PTPRT: variants seen among roughly 807,000 people sequenced by gnomAD.
PTPRT encodes the protein protein tyrosine phosphatase receptor type T.
PTPRT carries 56 observed loss-of-function variants against 176.8 expected under a neutral mutation model. The ratio of observed to expected loss-of-function variants is 0.32; its 90% CI spans 0.26 to 0.40. The LOEUF is 0.40. Ranked by LOEUF, PTPRT falls within the 10% of genes least tolerant of loss-of-function variation. The pLI is 1.00. For synonymous variants in PTPRT, 783 were observed against 739.0 expected (o/e 1.06, Z -0.96); for missense variants, 1,540 against 1,908.2 (o/e 0.81, Z 3.60).
intron 11 of PTPRT, among the ~76,000 whole-genome samples, chr20:42,326,127 T>A (rs1321659558): frequency 6.6e-6 from 1 of 152,218 alleles, no homozygotes; most frequent in East Asian, 1.9e-4. Flanking sequence ...GAGAGAACTG[T>A]AAGCACTGCA....
At chr20:42,345,227 C>G (rs921672541) in intron 11 of PTPRT, among the ~76,000 whole-genome samples, 1 of 151,794 alleles carries the variant, frequency 6.6e-6, no homozygotes, top group Non-Finnish European at 1.5e-5. Context: ...GTTGTACTAG[C>G]CATATATCTG....
chr20:43,090,381 C>T (rs948808111), intron 1 of PTPRT, among the ~76,000 whole-genome samples: 1 of 151,960 alleles, frequency 6.6e-6, no homozygotes, highest in African/African-American at 2.4e-5. Flanking sequence ...CATTCTCCTG[C>T]CTCAGCCTCC....
chr20:42,387,879 C>T (rs1192207113), intron 9 of PTPRT, among the ~76,000 whole-genome samples: 2 of 151,624 alleles, frequency 1.3e-5, no homozygotes, highest in East Asian at 3.9e-4. Flanking sequence ...GAAACCCCTA[C>T]CTCCTGGGTT....
chr20:42,911,969 CTCTTT>C (rs1978409179), intron 1 of PTPRT, among the ~76,000 whole-genome samples: 1 of 127,146 alleles, frequency 7.9e-6, no homozygotes, highest in African/African-American at 2.8e-5. Flanking sequence ...AACCCAAATC[CTCTTT>C]TCTTTTTTTT....
intron 1 of PTPRT, among the ~76,000 whole-genome samples, chr20:43,013,919 T>C (rs565083063): frequency 6.6e-6 from 1 of 152,272 alleles, no homozygotes; most frequent in African/African-American, 2.4e-5. Context: ...AGGAGAATAA[T>C]AGCAAATATC....
At chr20:43,093,549 C>A (rs2011976299) in intron 1 of PTPRT, among the ~76,000 whole-genome samples, 1 of 152,208 alleles carries the variant, frequency 6.6e-6, no homozygotes, top group South Asian at 2.1e-4. Flanking sequence ...CATGCACACA[C>A]ACAACAGGTC....
chr20:42,115,116 C>T, intron 22 of PTPRT, 83 bp downstream of exon 22: 1 of 1,004,024 alleles, frequency 1.0e-6, no homozygotes, highest in Non-Finnish European at 1.6e-6. Context: ...GTAGAGCAGA[C>T]CCTCAGTTAC....
intron 1 of PTPRT, among the ~76,000 whole-genome samples, chr20:43,092,209 C>T (rs563587697): frequency 6.6e-6 from 1 of 152,138 alleles, no homozygotes; most frequent in Non-Finnish European, 1.5e-5. Flanking sequence ...ACAGTGGATC[C>T]CCACAGGGGA....
At chr20:42,983,144 G>A (rs1453417748) in intron 1 of PTPRT, among the ~76,000 whole-genome samples, 1 of 152,126 alleles carries the variant, frequency 6.6e-6, no homozygotes, top group Non-Finnish European at 1.5e-5. Flanking sequence ...CCCATCCTTT[G>A]TGTGCACATC....
intron 7 of PTPRT, among the ~76,000 whole-genome samples, chr20:42,656,721 C>T (rs1337282921): frequency 6.6e-6 from 1 of 152,062 alleles, no homozygotes; most frequent in Non-Finnish European, 1.5e-5. Context: ...ATGCTGATTA[C>T]AGCTTTTAAA....
chr20:42,425,118 G>A (rs1442742992), intron 9 of PTPRT, among the ~76,000 whole-genome samples: 1 of 152,024 alleles, frequency 6.6e-6, no homozygotes, highest in Non-Finnish European at 1.5e-5. Flanking sequence ...CAAACATCCA[G>A]TATGCATCCA....
intron 17 of PTPRT, among the ~76,000 whole-genome samples, chr20:42,155,785 G>A (rs1195781040): frequency 6.6e-6 from 1 of 152,106 alleles, no homozygotes; most frequent in African/African-American, 2.4e-5. Flanking sequence ...CAGTCTCCTG[G>A]TTTGGGCAGC....
intron 13 of PTPRT, among the ~76,000 whole-genome samples, chr20:42,254,701 C>A (rs1169555144): frequency 6.6e-6 from 1 of 152,150 alleles, no homozygotes; most frequent in East Asian, 1.9e-4. Context: ...AAAGCCCAGA[C>A]CCTTTCAATG....
chr20:42,322,589 C>T (rs1160486591), intron 11 of PTPRT, among the ~76,000 whole-genome samples: 1 of 146,322 alleles, frequency 6.8e-6, no homozygotes, highest in East Asian at 2.0e-4. Context: ...CCCTTCCTTA[C>T]ACCTTATACA....
intron 7 of PTPRT, among the ~76,000 whole-genome samples, chr20:42,660,248 G>T (rs985179133): frequency 6.6e-6 from 1 of 152,108 alleles, no homozygotes; most frequent in Non-Finnish European, 1.5e-5. Context: ...CAGAAGATTT[G>T]TAAATATGGC....
At chr20:42,569,530 A>G (rs1167001314) in intron 7 of PTPRT, among the ~76,000 whole-genome samples, 1 of 152,156 alleles carries the variant, frequency 6.6e-6, no homozygotes, top group Non-Finnish European at 1.5e-5. Flanking sequence ...AATATCAGCC[A>G]AATGCCTGAG....
chr20:42,065,805 T>C, the PTPRT span, among the ~76,000 whole-genome samples: 2 of 152,232 alleles, frequency 1.3e-5, no homozygotes, highest in Non-Finnish European at 2.9e-5. Flanking sequence ...TGGATACTGG[T>C]GAACTCTAGT....
intron 19 of PTPRT, among the ~76,000 whole-genome samples, chr20:42,127,439 A>T (rs971842647): frequency 6.6e-6 from 1 of 152,048 alleles, no homozygotes; most frequent in African/African-American, 2.4e-5. Context: ...ACACCCTGCA[A>T]TGCAAGGCAG....
chr20:42,435,056 C>T (rs1016062650), intron 9 of PTPRT, among the ~76,000 whole-genome samples: 2 of 151,808 alleles, frequency 1.3e-5, no homozygotes, highest in African/African-American at 4.8e-5. Context: ...AAAAAAAGCA[C>T]CACCAAATTT....
Sources: gnomAD v4.1 joint callset for allele counts (sites outside exome capture counted in the v4.1 genomes callset) on GRCh38, gnomAD v4.1.1 for gene constraint, MANE v1.5 for transcripts, NCBI Gene and HGNC (gene_info 2026-07-23, HGNC 2026-07-21) for gene names.